Variants in UBR3 observed in about 807,000 individuals in gnomAD.
UBR3 encodes the protein E3 ubiquitin-protein ligase UBR3.
UBR3 carries 85 observed loss-of-function variants against 243.2 expected under a neutral mutation model. That is an observed-to-expected ratio of 0.35 (90% CI 0.29 to 0.42). UBR3 has a LOEUF of 0.42. UBR3 is among the 10% of genes least tolerant of loss of function. The pLI is 1.00. For synonymous variants in UBR3, 748 were observed against 799.8 expected, an observed-to-expected ratio of 0.94 and a Z score of 1.09; for missense variants, 1,686 against 2,300.8, an observed-to-expected ratio of 0.73 and a Z score of 5.47.
chr2:169,879,956 G>T (rs2083759639), intron 5 of UBR3, among the ~76,000 whole-genome samples: 1 of 152,136 alleles, frequency 6.6e-6, no homozygotes, highest in South Asian at 2.1e-4. Context: ...AGATAGGGGA[G>T]GGGAATGGTG....
At chr2:169,887,729 C>T (rs2084157877) in intron 5 of UBR3, among the ~76,000 whole-genome samples, 1 of 152,006 alleles carries the variant, frequency 6.6e-6, no homozygotes, top group Non-Finnish European at 1.5e-5. Flanking sequence ...AGTGGTGACT[C>T]ACTGTAAACC....
intron 2 of UBR3, among the ~76,000 whole-genome samples, chr2:169,874,645 G>A (rs1210731237): frequency 6.6e-6 from 1 of 151,984 alleles, no homozygotes; most frequent in Non-Finnish European, 1.5e-5. Context: ...GTTTGTTTCA[G>A]AGCCCTTGAA....
chr2:169,887,407 A>C (rs575170463), intron 5 of UBR3, among the ~76,000 whole-genome samples: 1 of 152,200 alleles, frequency 6.6e-6, no homozygotes, highest in Non-Finnish European at 1.5e-5. Context: ...TTAGCTCCAC[A>C]TCATGAATTT....
Position 169,927,423 on chromosome 2 carries a change from T to C in UBR3, c.2424+18T>C. On this transcript the variant is annotated intron_variant, in intron 17 of 38. Transcript: ENST00000272793. The stretch of plus-strand genomic sequence containing the variant: ...TGGACCTCATATCCTTTTAAAATTT[T>C]ACTTTCTGTTAGTTGCAGGATCTAA... 4.0e-6 allele frequency: 6 copies of C among 1,509,376 alleles called. No homozygotes were observed. The highest frequency in any genetic ancestry group is 5.3e-6 in the Non-Finnish European group (6 of 1,122,870). 93.5% of individuals were successfully genotyped at this position (1,509,376 alleles called of 1,614,324 possible).
intron 8 of UBR3, among the ~76,000 whole-genome samples, chr2:169,897,060 A>G (rs1180835971): frequency 6.6e-6 from 1 of 152,134 alleles, no homozygotes; most frequent in Admixed American, 6.5e-5. Flanking sequence ...TGTAATGACT[A>G]TATTTATAGA....
chr2:169,973,255 G>A (rs1312379178), intron 24 of UBR3, among the ~76,000 whole-genome samples: 1 of 135,556 alleles, frequency 7.4e-6, no homozygotes, highest in African/African-American at 2.8e-5. Flanking sequence ...ACTGCTCAAG[G>A]AAATAAAAGA....
At chr2:169,851,390 A>G (rs1265271951) in intron 1 of UBR3, among the ~76,000 whole-genome samples, 1 of 152,120 alleles carries the variant, frequency 6.6e-6, no homozygotes, top group Non-Finnish European at 1.5e-5. Context: ...CAACCTCCCA[A>G]AGCATTGGGA....
At chr2:169,887,871 G>T (rs1005626043) in intron 5 of UBR3, among the ~76,000 whole-genome samples, 1 of 151,216 alleles carries the variant, frequency 6.6e-6, no homozygotes, top group African/African-American at 2.4e-5. Flanking sequence ...CCCCCTCCCG[G>T]GTTCAACCTA....
At chr2:169,851,450 A>C (rs1182296434) in intron 1 of UBR3, among the ~76,000 whole-genome samples, 1 of 152,194 alleles carries the variant, frequency 6.6e-6, no homozygotes, top group African/African-American at 2.4e-5. Context: ...TCTCACCCAG[A>C]TGCTAATTTT....
chr2:169,891,955 A>C (rs184731551), intron 6 of UBR3, among the ~76,000 whole-genome samples: 2 of 152,330 alleles, frequency 1.3e-5, no homozygotes, highest in Admixed American at 1.3e-4. Context: ...AGGGATTTTC[A>C]TATCTTAACG....
At chr2:169,897,820 A>T (rs1353042641) in intron 8 of UBR3, among the ~76,000 whole-genome samples, 1 of 152,090 alleles carries the variant, frequency 6.6e-6, no homozygotes, top group African/African-American at 2.4e-5. Flanking sequence ...TAGTATTTAA[A>T]TATTTGCTAT....
chr2:169,954,448 G>A (rs2105364635), intron 23 of UBR3, among the ~76,000 whole-genome samples: 1 of 151,752 alleles, frequency 6.6e-6, no homozygotes, highest in South Asian at 2.1e-4. Flanking sequence ...TTGCTATGTT[G>A]CCCAGGCTGG....
chr2:169,833,130 A>G (rs2081989887), intron 1 of UBR3, among the ~76,000 whole-genome samples: 1 of 152,194 alleles, frequency 6.6e-6, no homozygotes, highest in Admixed American at 6.5e-5. Flanking sequence ...TGTGAGTGTC[A>G]GATCCCATGA....
At chr2:169,996,922 A>G (rs1334746963) in intron 26 of UBR3, among the ~76,000 whole-genome samples, 1 of 151,134 alleles carries the variant, frequency 6.6e-6, no homozygotes, top group Admixed American at 6.6e-5. Context: ...GATGGTCTCG[A>G]TCTCTTGACC....
chr2:170,049,005 G>T (rs1559217090), intron 32 of UBR3, among the ~76,000 whole-genome samples: 1 of 152,018 alleles, frequency 6.6e-6, no homozygotes, highest in Non-Finnish European at 1.5e-5. Flanking sequence ...CTTTATCATA[G>T]GTATGTATGT....
At chr2:169,876,324 C>A (rs1472456323) in intron 3 of UBR3, among the ~76,000 whole-genome samples, 3 of 152,086 alleles carry the variant, frequency 2.0e-5, no homozygotes, top group Non-Finnish European at 4.4e-5. Context: ...TCATGATCCG[C>A]CCGCCTTGGC....
chr2:170,026,512 G>T (rs1013032187), intron 30 of UBR3, among the ~76,000 whole-genome samples: 2 of 152,024 alleles, frequency 1.3e-5, no homozygotes, highest in Admixed American at 1.3e-4. Flanking sequence ...TAAAACTAAG[G>T]TTAGGTAATT....
intron 32 of UBR3, among the ~76,000 whole-genome samples, chr2:170,047,759 C>T (rs1261377940): frequency 6.6e-6 from 1 of 152,146 alleles, no homozygotes; most frequent in Non-Finnish European, 1.5e-5. Context: ...TTTTAAGTTG[C>T]ATGCCATTCT....
intron 30 of UBR3, among the ~76,000 whole-genome samples, chr2:170,017,801 C>A (rs2090290096): frequency 6.6e-6 from 1 of 152,106 alleles, no homozygotes; most frequent in Non-Finnish European, 1.5e-5. Context: ...AAAAGTTACT[C>A]AAATTAGCTC....
Sources: allele counts gnomAD v4.1 joint callset (sites outside exome capture counted in the v4.1 genomes callset), GRCh38; gene constraint gnomAD v4.1.1; transcripts MANE v1.5; gene names NCBI Gene and HGNC (gene_info 2026-07-23, HGNC 2026-07-21).